Variants in HMCN2 observed in about 807,000 individuals in gnomAD.
HMCN2 encodes the protein hemicentin-2.
Under a neutral mutation model 377.5 loss-of-function variants are expected in HMCN2, and 325 were observed. The ratio of observed to expected loss-of-function variants is 0.86; its 90% CI spans 0.79 to 0.94. HMCN2 has a LOEUF of 0.94. Among genes scored for constraint, HMCN2 ranks in the 40% least tolerant of loss-of-function variants. The pLI, the probability that HMCN2 is intolerant of heterozygous loss-of-function variation, is 0.00. For synonymous variants in HMCN2, 2,007 were observed against 2,046.8 expected (o/e 0.98, Z 0.53); for missense variants, 4,543 against 4,725.3 (o/e 0.96, Z 1.13).
intron 15 of HMCN2, among the ~76,000 whole-genome samples, chr9:130,316,463 G>A (rs1837566891): frequency 6.6e-6 from 1 of 152,064 alleles, no homozygotes; most frequent in Non-Finnish European, 1.5e-5. Context: ...CCCTGCAGGC[G>A]GCAGCCCCTC....
chr9:130,427,337 A>G lies in HMCN2; in HGVS notation c.13904A>G (p.Glu4635Gly), dbSNP rs1844438373. 6.4e-7 allele frequency: 1 copy of G among 1,550,528 alleles called. No individual in the cohort carries two copies. Among genetic ancestry groups the G allele is most frequent in the East Asian group, 2.4e-5 (1 of 40,906 alleles). The change falls in exon 91 of 98, where the codon GAG becomes GGG. Residue 4635 changes from glutamate to glycine, a missense_variant. Physicochemically the swap from Glu to Gly is moderately conservative, Grantham distance 98 (BLOSUM62 -2). Transcript: ENST00000683500. ...GAGGAGAACGAGGTCGGCTGCCCCGAGGGCTTTGAGCTGGACTCCCAGGGA... is the reference window on the plus strand; with the variant it reads ...GAGGAGAACGAGGTCGGCTGCCCCGGGGGCTTTGAGCTGGACTCCCAGGGA... ...QAEENEVGCPEGFELDSQGAF... is the reference protein window; with the variant it reads ...QAEENEVGCPGGFELDSQGAF...
intron 4 of HMCN2, among the ~76,000 whole-genome samples, chr9:130,289,569 TGTGCA>T (rs1835627769): frequency 6.6e-6 from 1 of 152,118 alleles, no homozygotes; most frequent in South Asian, 2.1e-4. Context: ...TTTCTTCTTG[TGTGCA>T]GTTGGGTTAA....
chr9:130,401,693 AATTT>A (rs919536949), intron 77 of HMCN2, among the ~76,000 whole-genome samples: 62 of 152,280 alleles, frequency 4.1e-4, no homozygotes, highest in African/African-American at 1.5e-3. Context: ...AGAGTCTCCA[AATTT>A]ATTTGTTAGT....
intron 2 of HMCN2, 48 bp from the exon 3 acceptor site, chr9:130,285,110 C>T (rs782595146): frequency 4.3e-6 from 2 of 466,556 alleles, no homozygotes; most frequent in South Asian, 3.1e-5. Flanking sequence ...GGGTGGGTCC[C>T]ATCTGGAGGA....
chr9:130,433,058 C>T, intron 97 of HMCN2: 1 of 436,354 alleles, frequency 2.3e-6, no homozygotes, highest in East Asian at 3.8e-5. Flanking sequence ...GGCCCAGGGG[C>T]ACATCGCTCC....
chr9:130,384,801 A>G lies in HMCN2; in HGVS notation c.9106+3A>G. On this transcript the variant is annotated splice_donor_region_variant and intron_variant, in intron 59 of 97. Coordinates refer to ENST00000683500, the MANE Select transcript of HMCN2 (RefSeq NM_001291815.2). ...GCTGGTGCAGCTCAGTGTTCTGGGT[A>G]TGTCCATGTCTGTCCCCAACTTGTA... 7.7e-7 allele frequency: 1 copy of G among 1,301,256 alleles called. No homozygotes were observed. The highest frequency in any genetic ancestry group is 1.0e-6 in the Non-Finnish European group (1 of 987,066). 80.6% of individuals were successfully genotyped at this position (1,301,256 alleles called of 1,614,324 possible). A position where few individuals can be genotyped will look rare whatever the true frequency, so the allele number is the denominator to read the frequency against.
intron 51 of HMCN2, 43 bp downstream of exon 51, chr9:130,376,032 C>T (rs934326327): frequency 3.0e-5 from 27 of 902,170 alleles, no homozygotes; most frequent in Admixed American, 6.2e-5. Context: ...GGCAGAAGAC[C>T]GCCCGGGAAC....
At chr9:130,323,422 GT>G (rs1472909414) in intron 19 of HMCN2, among the ~76,000 whole-genome samples, 4 of 152,232 alleles carry the variant, frequency 2.6e-5, no homozygotes, top group African/African-American at 9.6e-5. Flanking sequence ...TGTGACACCT[GT>G]TTTTAAGCTC....
In HMCN2 at chr9:130,394,327, G is replaced by A. The variant is rs1377961197; in HGVS notation, c.10502-58G>A. 5 of 1,113,438 alleles carry A rather than the reference G, an allele frequency of 4.5e-6. No individual in the cohort carries two copies. Among genetic ancestry groups the A allele is most frequent in the Non-Finnish European group, 6.0e-6 (5 of 835,614 alleles). The allele number at this position is 1,113,438 out of a possible 1,614,324, so 69.0% of individuals were successfully genotyped here. A position where few individuals can be genotyped will look rare whatever the true frequency, so the allele number is the denominator to read the frequency against. On this transcript the variant is annotated intron_variant, in intron 68 of 97. Coordinates refer to ENST00000683500, the MANE Select transcript of HMCN2 (RefSeq NM_001291815.2). This position sits in a 1 kb window ranked among gnomAD's most constrained non-coding sequence, Gnocchi z 5.1. ...TGGACTCAGCACAGTGTTTTCAAGT[G>A]CGGTGCTGTCCCGGAAATGTGTGTC...
chr9:130,400,947 G>A lies in HMCN2; in HGVS notation c.11770G>A (p.Gly3924Ser). 1.6e-6 allele frequency: 2 copies of A among 1,284,942 alleles called. No individual in the cohort carries two copies. Among genetic ancestry groups the A allele is most frequent in the Non-Finnish European group, 1.0e-6 (1 of 986,764 alleles). The allele number at this position is 1,284,942 out of a possible 1,614,324, so 79.6% of individuals were successfully genotyped here. ...RGSGYRVSPS[G>S]ALEIGQALPI... is the part of the protein sequence containing the mutation. ...GAGTGGCTATCGTGTCTCACCATCG[G>A]GTAAGTAAGGGTAAGCCACAGAGAG... Residue 3924 changes from glycine to serine, a missense_variant and splice_region_variant, in exon 77 of 98, where the codon GGC becomes AGC. Gly to Ser is a moderately conservative substitution (Grantham distance 56, BLOSUM62 0). Around this residue, in one of 5 missense-constraint regions of HMCN2, gnomAD observed 1,073 missense variants for 1,319.5 expected, o/e 0.81. Coordinates refer to ENST00000683500, the MANE Select transcript of HMCN2 (RefSeq NM_001291815.2).
Position 130,395,027 on chromosome 9 carries a change from G to A in HMCN2, c.10693G>A (p.Val3565Ile), listed in dbSNP as rs1379190576. 1 of 1,284,668 alleles carries A rather than the reference G, an allele frequency of 7.8e-7. No homozygotes were observed. The highest frequency in any genetic ancestry group is 2.3e-5 in the Admixed American group (1 of 43,000). The allele number at this position is 1,284,668 out of a possible 1,614,324, so 79.6% of individuals were successfully genotyped here. The change falls in exon 70 of 98, where the codon GTT becomes ATT. Residue 3565 changes from valine (V) to isoleucine (I), a missense_variant and splice_region_variant. Val to Ile is a conservative substitution (Grantham distance 29, BLOSUM62 3). Transcript: ENST00000683500. ...TRVLRVENVQ[V>I]RDAGLYTCLA... is the part of the protein sequence containing the mutation. ...GCTGCTCAACCCGCTCCATCCCCAG[G>A]TTAGGGATGCTGGGCTGTACACTTG...
chr9:130,359,317 A>G lies in HMCN2; in HGVS notation c.5678-2A>G. 7.7e-7 allele frequency: 1 copy of G among 1,300,960 alleles called. No individual in the cohort carries two copies. Among genetic ancestry groups the G allele is most frequent in the Non-Finnish European group, 1.0e-6 (1 of 986,218 alleles). 80.6% of individuals were successfully genotyped at this position (1,300,960 alleles called of 1,614,324 possible). The stretch of plus-strand genomic sequence containing the variant: ...GCTGGGTCTCTCCTTGTCTCCCCCT[A>G]GTGCCCCCCAACATCGAGCCAGGCC... On this transcript the variant is annotated splice_acceptor_variant, in intron 36 of 97. Transcript: ENST00000683500. LOFTEE classifies it high-confidence loss of function.
chr9:130,342,012 AAAATAAATAAATAAATAAAT>A (rs1221408865), intron 24 of HMCN2, among the ~76,000 whole-genome samples: 5 of 130,692 alleles, frequency 3.8e-5, no homozygotes, highest in Admixed American at 7.8e-5. Context: ...CCCATCTCTT[AAAATAAATAAATAAATAAAT>A]AAATAAATAA....
Position 130,296,667 on chromosome 9 carries a change from G to T in HMCN2, c.892-7G>T, listed in dbSNP as rs533708512. 2.1e-6 allele frequency: 1 copy of T among 470,968 alleles called. No individual in the cohort carries two copies. Among genetic ancestry groups the T allele is most frequent in the African/African-American group, 2.0e-5 (1 of 50,182 alleles). 29.2% of individuals were successfully genotyped at this position (470,968 alleles called of 1,614,324 possible). On this transcript the variant is annotated splice_polypyrimidine_tract_variant and splice_region_variant and intron_variant, in intron 6 of 97. Coordinates refer to ENST00000683500, the MANE Select transcript of HMCN2 (RefSeq NM_001291815.2). ...CTCTGGTGATGTGAGACCTGGGCCT[G>T]CGCTAGGTCTATAGCAGTGGCCGCC...
intron 92 of HMCN2, 93 bp downstream of exon 92, chr9:130,427,712 GAC>G: frequency 7.0e-7 from 1 of 1,424,888 alleles, no homozygotes; most frequent in Non-Finnish European, 9.3e-7. Flanking sequence ...CCTGGCTGGG[GAC>G]ACAGACCTGC....
At chr9:130,274,229 T>C (rs1834555088) in intron 1 of HMCN2, among the ~76,000 whole-genome samples, 1 of 151,896 alleles carries the variant, frequency 6.6e-6, no homozygotes, top group Admixed American at 6.6e-5. Flanking sequence ...ATTTTTGTAT[T>C]TTTTAGTAGA....
intron 4 of HMCN2, among the ~76,000 whole-genome samples, chr9:130,292,180 C>T (rs1188841516): frequency 3.9e-5 from 6 of 152,190 alleles, no homozygotes; most frequent in Non-Finnish European, 8.8e-5. Context: ...GAGCATCCTA[C>T]TATTACTGAT....
rs1025594242 is a variant in HMCN2 at position 130,379,566 on chromosome 9, A to G, written c.8431+99A>G. 7 of 439,742 alleles carry G rather than the reference A, an allele frequency of 1.6e-5. No individual in the cohort carries two copies. In the South Asian group the frequency reaches 2.9e-4, roughly 18 times the overall value. The allele number at this position is 439,742 out of a possible 1,614,324, so 27.2% of individuals were successfully genotyped here. ...AGAGCACACAACCACTCTGGACCTT[A>G]GCTGCAATTTGTAAACTGGGGCTAC... On this transcript the variant is annotated intron_variant, in intron 54 of 97. Transcript: ENST00000683500.
Position 130,391,066 on chromosome 9 carries a change from G to A in HMCN2, c.9613G>A (p.Val3205Met), listed in dbSNP as rs898418261. The change falls in exon 63 of 98, where the codon GTG (valine) becomes ATG (methionine). Residue 3205 changes from valine (V) to methionine (M), a missense_variant. Val to Met is a conservative substitution (Grantham distance 21, BLOSUM62 1). Around this residue, in one of 5 missense-constraint regions of HMCN2, gnomAD observed 736 missense variants for 773.2 expected, o/e 0.95. Coordinates refer to ENST00000683500, the MANE Select transcript of HMCN2 (RefSeq NM_001291815.2). ...QPAQAGTYTC[V>M]AENTQAEARK... ...GGCCCAGGCGGGCACCTACACGTGC[G>A]TGGCTGAGAACACCCAGGCTGAGGC... is the stretch of plus-strand genomic sequence containing the variant. 1.3e-4 allele frequency: 124 copies of A among 987,854 alleles called. No individual in the cohort carries two copies. The highest frequency in any genetic ancestry group is 1.4e-4 in the Non-Finnish European group (117 of 830,386). The allele number at this position is 987,854 out of a possible 1,614,324, so 61.2% of individuals were successfully genotyped here. A position where few individuals can be genotyped will look rare whatever the true frequency, so the allele number is the denominator to read the frequency against.
Sources: allele counts gnomAD v4.1 joint callset (sites outside exome capture counted in the v4.1 genomes callset), GRCh38; gene constraint gnomAD v4.1.1; regional missense constraint gnomAD v4.1.1; non-coding constraint Gnocchi (gnomAD v3.1); transcripts MANE v1.5; gene names NCBI Gene and HGNC (gene_info 2026-07-23, HGNC 2026-07-21).